Variants in PHKB observed in about 807,000 individuals in gnomAD.
PHKB encodes phosphorylase kinase regulatory subunit beta.
Under a neutral mutation model 152.1 loss-of-function variants are expected in PHKB, and 122 were observed. The ratio of observed to expected loss-of-function variants is 0.80; its 90% confidence interval spans 0.69 to 0.93. The LOEUF is 0.93. Among genes scored for constraint, PHKB ranks in the 40% least tolerant of loss-of-function variants. The probability of loss-of-function intolerance (pLI) is 0.00; values close to 1 mark genes in which losing one functional copy is unlikely to be tolerated. For synonymous variants in PHKB, 436 were observed against 464.9 expected (o/e 0.94, Z 0.80); for missense variants, 1,304 against 1,328.4 (o/e 0.98, Z 0.29).
At chr16:47,587,071 T>C (rs1032137219) in intron 8 of PHKB, among the ~76,000 whole-genome samples, 5 of 152,194 alleles carry the variant, frequency 3.3e-5, no homozygotes, top group Non-Finnish European at 7.4e-5. Flanking sequence ...AGTCTTAATG[T>C]CCTTTTCAGT....
At chr16:47,483,091 T>G (rs2151634724) in intron 1 of PHKB, among the ~76,000 whole-genome samples, 1 of 134,308 alleles carries the variant, frequency 7.4e-6, no homozygotes, top group African/African-American at 2.8e-5. Context: ...CTGGCTGGAG[T>G]GCAGTGGCGT....
Position 47,511,659 on chromosome 16 carries a change from T to C in PHKB, c.406-6T>C. 6.3e-7 allele frequency: 1 copy of C among 1,579,008 alleles called. No homozygotes were observed. The highest frequency in any genetic ancestry group is 2.2e-5 in the East Asian group (1 of 44,718). ...TAATGTTGTTTAATTTTATATTTCATTCTAGGTCCAGCAGTTTAAGCAGGA... is the reference window on the plus strand; with the variant it reads ...TAATGTTGTTTAATTTTATATTTCACTCTAGGTCCAGCAGTTTAAGCAGGA... On this transcript the variant is annotated splice_region_variant and splice_polypyrimidine_tract_variant and intron_variant, in intron 4 of 30. Coordinates refer to ENST00000323584, the MANE Select transcript of PHKB (RefSeq NM_000293.3).
chr16:47,566,941 C>T (rs1015476335), intron 7 of PHKB: 5 of 556,614 alleles, frequency 9.0e-6, no homozygotes, highest in Non-Finnish European at 1.6e-5. Flanking sequence ...TTGAGGCTGC[C>T]ATGTTGGGAG....
intron 14 of PHKB, among the ~76,000 whole-genome samples, chr16:47,612,550 G>C (rs1478049802): frequency 1.3e-5 from 2 of 152,176 alleles, no homozygotes; most frequent in African/African-American, 4.8e-5. Context: ...CACTCTACAG[G>C]TATGTTTTAT....
intron 26 of PHKB, among the ~76,000 whole-genome samples, chr16:47,674,684 C>G (rs549220591): frequency 6.6e-6 from 1 of 152,320 alleles, no homozygotes; most frequent in African/African-American, 2.4e-5. Context: ...TTCCTGAAGA[C>G]TAACCCGTCT....
Position 47,499,888 on chromosome 16 carries a change from C to G in PHKB, c.299C>G (p.Ala100Gly). 1.9e-6 allele frequency: 3 copies of G among 1,614,114 alleles called. No homozygotes were observed. Among genetic ancestry groups the G allele is most frequent in the South Asian group, 1.1e-5 (1 of 91,074 alleles). Reference protein sequence around the residue: ...CAAGAWALALAYRRIDDDKGR... With the variant: ...CAAGAWALALGYRRIDDDKGR... ...GCTGGGGCCTGGGCTTTGGCTCTTG[C>G]ATACAGGTGAGCTGGTGTGTGTTCT... The change falls in exon 3 of 31, where the codon GCA becomes GGA. Residue 100 changes from alanine (A) to glycine (G), a missense_variant. Ala to Gly is a moderately conservative substitution (Grantham distance 60). Transcript: ENST00000323584.
At chr16:47,630,367 A>C (rs1336196489) in intron 14 of PHKB, among the ~76,000 whole-genome samples, 1 of 152,048 alleles carries the variant, frequency 6.6e-6, no homozygotes. Flanking sequence ...CTGTAATCCC[A>C]GCTACTCGGG....
chr16:47,650,551 T>C lies in PHKB; in HGVS notation c.1805T>C (p.Leu602Pro). The C allele has an allele frequency of 6.3e-7, 1 of 1,592,536 alleles. No individual in the cohort carries two copies. The highest frequency in any genetic ancestry group is 8.6e-7 in the Non-Finnish European group (1 of 1,160,456). ...FLLIDDIKNA[L>P]QFIKQYWKMH... ...CCTCATTCTGTTTGACAGAATGCGCTGCAGTTCATTAAACAATATTGGAAA... is the reference window on the plus strand; with the variant it reads ...CCTCATTCTGTTTGACAGAATGCGCCGCAGTTCATTAAACAATATTGGAAA... The change falls in exon 19 of 31, where the codon CTG (leucine) becomes CCG (proline). Residue 602 changes from leucine to proline, a missense_variant. Physicochemically the swap from Leu to Pro is moderately conservative, Grantham distance 98. Coordinates refer to ENST00000323584, the MANE Select transcript of PHKB (RefSeq NM_000293.3).
At chr16:47,579,181 C>T (rs1307667514) in intron 7 of PHKB, among the ~76,000 whole-genome samples, 2 of 152,110 alleles carry the variant, frequency 1.3e-5, no homozygotes, top group East Asian at 1.9e-4. Flanking sequence ...TATGTCTACT[C>T]CATCTTCCCA....
intron 14 of PHKB, among the ~76,000 whole-genome samples, chr16:47,630,303 G>A (rs1407605695): frequency 6.6e-6 from 1 of 152,078 alleles, no homozygotes; most frequent in Non-Finnish European, 1.5e-5. Flanking sequence ...CCAACATGGT[G>A]AAACCTTGTC....
chr16:47,678,530 G>C (rs538957610), intron 26 of PHKB, among the ~76,000 whole-genome samples: 261 of 151,752 alleles, frequency 1.7e-3, no homozygotes, highest in African/African-American at 5.9e-3. Context: ...GTGATCATGA[G>C]CATTTTTTCA....
chr16:47,488,141 G>A (rs1970081472), intron 1 of PHKB, among the ~76,000 whole-genome samples: 2 of 152,266 alleles, frequency 1.3e-5, no homozygotes, highest in African/African-American at 4.8e-5. Context: ...TCTCACTGGT[G>A]TGAGATGGTA....
chr16:47,531,350 C>CT (rs1474924025), intron 6 of PHKB, among the ~76,000 whole-genome samples: 1 of 152,114 alleles, frequency 6.6e-6, no homozygotes, highest in Non-Finnish European at 1.5e-5. Flanking sequence ...GGTGTTCAAA[C>CT]TTTTTGATCT....
chr16:47,647,084 TC>T (rs1452306633), intron 16 of PHKB, among the ~76,000 whole-genome samples: 1 of 152,004 alleles, frequency 6.6e-6, no homozygotes, highest in Non-Finnish European at 1.5e-5. Context: ...CTGCAGACTT[TC>T]CCCCTCAGTT....
At chr16:47,574,744 C>A (rs1009355093) in intron 7 of PHKB, among the ~76,000 whole-genome samples, 1 of 152,126 alleles carries the variant, frequency 6.6e-6, no homozygotes, top group African/African-American at 2.4e-5. Context: ...ATGGGAATGA[C>A]ACCAAGCCAT....
intron 7 of PHKB, among the ~76,000 whole-genome samples, chr16:47,559,435 T>A (rs1027314772): frequency 2.6e-5 from 4 of 152,218 alleles, no homozygotes; most frequent in Non-Finnish European, 5.9e-5. Context: ...TTATTATTAT[T>A]GTCTTACATT....
At chr16:47,502,626 C>G (rs936460824) in intron 3 of PHKB, among the ~76,000 whole-genome samples, 10 of 152,264 alleles carry the variant, frequency 6.6e-5, no homozygotes, top group South Asian at 2.1e-4. Context: ...ACAGGGATAG[C>G]TAATAAAAAT....
intron 7 of PHKB, among the ~76,000 whole-genome samples, chr16:47,550,041 A>G (rs975129120): frequency 2.0e-5 from 3 of 152,202 alleles, no homozygotes; most frequent in East Asian, 1.9e-4. Context: ...CTACTTGTCC[A>G]TGGTATAACA....
intron 17 of PHKB, among the ~76,000 whole-genome samples, chr16:47,648,887 A>G (rs941036038): frequency 6.6e-6 from 1 of 152,192 alleles, no homozygotes; most frequent in South Asian, 2.1e-4. Context: ...CTTTTCCATC[A>G]TATTAGAGGT....
Sources: gnomAD v4.1 joint callset for allele counts (sites outside exome capture counted in the v4.1 genomes callset) on GRCh38, gnomAD v4.1.1 for gene constraint, MANE v1.5 for transcripts, NCBI Gene and HGNC (gene_info 2026-07-23, HGNC 2026-07-21) for gene names.